The following DISC1 variants were observed in gnomAD, a reference collection of about 807,000 sequenced individuals.
DISC1 encodes the protein disrupted in schizophrenia 1 protein.
Under a neutral mutation model 84.5 loss-of-function variants are expected in DISC1, and 57 were observed. That is an observed-to-expected ratio of 0.67 (90% CI 0.55 to 0.84). The LOEUF is 0.84. DISC1 is among the 40% of genes least tolerant of loss of function. DISC1 has a pLI of 0.00. For missense variants in DISC1, 1,000 were observed against 1,057.8 expected, an observed-to-expected ratio of 0.95 and a Z score of 0.76; for synonymous variants, 411 against 415.2, an observed-to-expected ratio of 0.99 and a Z score of 0.12.
chr1:231,975,768 A>T (rs1298051622), intron 10 of DISC1, among the ~76,000 whole-genome samples: 1 of 152,216 alleles, frequency 6.6e-6, no homozygotes, highest in Non-Finnish European at 1.5e-5. Flanking sequence ...AGTGGGTGTT[A>T]AAAAATGTGT....
At chr1:231,962,080 T>A (rs1373231187) in intron 10 of DISC1, among the ~76,000 whole-genome samples, 1 of 152,238 alleles carries the variant, frequency 6.6e-6, no homozygotes, top group East Asian at 1.9e-4. Context: ...TTCTGACTAA[T>A]GTGAGATGGT....
intron 9 of DISC1, among the ~76,000 whole-genome samples, chr1:231,858,221 G>T (rs576054492): frequency 6.6e-6 from 1 of 152,304 alleles, no homozygotes; most frequent in South Asian, 2.1e-4. Context: ...TTAAGTCAGG[G>T]CTTATTTATA....
chr1:231,988,840 T>C (rs1664811304), intron 10 of DISC1, among the ~76,000 whole-genome samples: 1 of 152,236 alleles, frequency 6.6e-6, no homozygotes, highest in African/African-American at 2.4e-5. Context: ...GCAAGTTCCG[T>C]GGACTTCAAT....
At chr1:231,946,635 T>G (rs1657278043) in intron 9 of DISC1, among the ~76,000 whole-genome samples, 1 of 152,012 alleles carries the variant, frequency 6.6e-6, no homozygotes, top group Non-Finnish European at 1.5e-5. Flanking sequence ...GAGAAAGAAA[T>G]AAAATGTATT....
chr1:231,999,466 C>T (rs573630875), intron 10 of DISC1, among the ~76,000 whole-genome samples: 2 of 152,258 alleles, frequency 1.3e-5, no homozygotes, highest in African/African-American at 4.8e-5. Flanking sequence ...CAATAAGCAG[C>T]CAGGGGAGAG....
At chr1:231,732,385 C>G (rs76098904) in intron 3 of DISC1, among the ~76,000 whole-genome samples, 1 of 152,142 alleles carries the variant, frequency 6.6e-6, no homozygotes, top group Non-Finnish European at 1.5e-5. Flanking sequence ...TTATGCAAAT[C>G]GATCCCAGAC....
At chr1:231,922,407 C>A (rs1051546600) in intron 9 of DISC1, among the ~76,000 whole-genome samples, 1 of 152,194 alleles carries the variant, frequency 6.6e-6, no homozygotes, top group African/African-American at 2.4e-5. Flanking sequence ...AATCCTCACA[C>A]TGAGCCCACG....
intron 1 of DISC1, 128 bp from the exon 2 acceptor site, chr1:231,693,698 G>A (rs2065310200): frequency 7.0e-7 from 1 of 1,435,596 alleles, no homozygotes; most frequent in Non-Finnish European, 9.6e-7. Flanking sequence ...GGACCACTGA[G>A]CCAGCATCTA....
intron 5 of DISC1, among the ~76,000 whole-genome samples, chr1:231,769,405 A>G (rs1038104446): frequency 1.3e-5 from 2 of 152,240 alleles, no homozygotes; most frequent in Non-Finnish European, 2.9e-5. Flanking sequence ...AAACAAAATG[A>G]GTATGTACAT....
At chr1:231,743,364 G>A (rs527884790) in intron 3 of DISC1, among the ~76,000 whole-genome samples, 1 of 152,262 alleles carries the variant, frequency 6.6e-6, no homozygotes, top group African/African-American at 2.4e-5. Flanking sequence ...AGCTTAGAAA[G>A]GTTAAGTAAC....
rs111453711 is a variant in DISC1, at chr1:231,886,774, T to A, written c.1981+68257T>A. 3.6e-3 allele frequency among the ~76,000 whole-genome samples: 178 copies of A among 50,002 alleles called. 5 individuals are homozygous for A. The highest frequency in any genetic ancestry group is 0.013 in the African/African-American group (172 of 13,444). 32.8% of individuals were successfully genotyped at this position (50,002 alleles called of 152,430 possible). A position where few individuals can be genotyped will look rare whatever the true frequency, so the allele number is the denominator to read the frequency against. On this transcript the variant is annotated intron_variant, in intron 9 of 12. Transcript: ENST00000439617. ...TCCTTTCTTCCTTCCTTCCTTTCTTTCTTTCTTTCTTTCTTTCTTTCTTTC... is the reference window on the plus strand; with the variant it reads ...TCCTTTCTTCCTTCCTTCCTTTCTTACTTTCTTTCTTTCTTTCTTTCTTTC...
intron 9 of DISC1, among the ~76,000 whole-genome samples, chr1:231,875,000 G>C (rs1352568955): frequency 1.3e-5 from 2 of 152,080 alleles, no homozygotes. Flanking sequence ...AGAAACTAGG[G>C]TGGAGACATC....
At chr1:231,988,871 G>A (rs1328863046) in intron 10 of DISC1, among the ~76,000 whole-genome samples, 2 of 152,170 alleles carry the variant, frequency 1.3e-5, no homozygotes, top group African/African-American at 4.8e-5. Flanking sequence ...TTCATTGGAA[G>A]CAGAGAGCAT....
At chr1:231,634,040 C>T (rs946052002) in intron 1 of DISC1, among the ~76,000 whole-genome samples, 4 of 152,028 alleles carry the variant, frequency 2.6e-5, no homozygotes, top group Non-Finnish European at 2.9e-5. Flanking sequence ...TGCCCCACCA[C>T]GTGCAGCTAA....
intron 9 of DISC1, among the ~76,000 whole-genome samples, chr1:231,901,021 C>T (rs2088132286): frequency 7.9e-5 from 12 of 152,156 alleles, no homozygotes; most frequent in Admixed American, 7.9e-4. Context: ...ATGGGAAGTG[C>T]AGTCCTTTGC....
intron 3 of DISC1, among the ~76,000 whole-genome samples, chr1:231,709,101 A>G (rs576501931): frequency 2.6e-5 from 4 of 152,334 alleles, no homozygotes; most frequent in Non-Finnish European, 4.4e-5. Context: ...GTTTGGTTGC[A>G]TTGTCTTAGC....
At chr1:231,723,422 A>G in intron 3 of DISC1, 5 of 985,730 alleles carry the variant, frequency 5.1e-6, no homozygotes, top group Non-Finnish European at 6.0e-6. Context: ...TTGCTGTGAG[A>G]TCAGGTGCAC....
At chr1:231,890,157 G>C (rs1466352285) in intron 9 of DISC1, among the ~76,000 whole-genome samples, 1 of 152,150 alleles carries the variant, frequency 6.6e-6, no homozygotes, top group Non-Finnish European at 1.5e-5. Flanking sequence ...GCAATAAGTT[G>C]TGTAGTTGCT....
At chr1:232,018,467 T>C in intron 11 of DISC1, among the ~76,000 whole-genome samples, 1 of 152,184 alleles carries the variant, frequency 6.6e-6, no homozygotes, top group Non-Finnish European at 1.5e-5. Context: ...ACTGAATGCT[T>C]TTCTGGGTAT....
Sources: gnomAD v4.1 joint callset for allele counts (sites outside exome capture counted in the v4.1 genomes callset) on GRCh38, gnomAD v4.1.1 for gene constraint, MANE v1.5 for transcripts, NCBI Gene and HGNC (gene_info 2026-07-23, HGNC 2026-07-21) for gene names.